The following PLGRKT variants were observed in gnomAD, a reference collection of about 807,000 sequenced individuals.
PLGRKT encodes the protein plasminogen receptor with a C-terminal lysine, also known as plasminogen receptor (KT).
Under a neutral mutation model 18.5 loss-of-function variants are expected in PLGRKT, and 22 were observed. That is an observed-to-expected ratio of 1.19 (90% CI 0.85 to 1.70). PLGRKT has a LOEUF of 1.70. Among genes scored for constraint, PLGRKT ranks in the 40% most tolerant of loss-of-function variants. The pLI is 0.00. For synonymous variants in PLGRKT, 72 were observed against 52.8 expected (o/e 1.36, Z -1.58); for missense variants, 235 against 174.4 (o/e 1.35, Z -1.96).
chr9:5,429,297 A>C lies in PLGRKT; in HGVS notation c.81+2600T>G, dbSNP rs1818767964. Among the ~76,000 whole-genome samples the C allele has an allele frequency of 2.6e-5, 4 of 152,194 alleles. 1 individual carries two copies. The South Asian group carries it at 8.3e-4, about 31-fold the overall frequency. ...GAAGCCCAGGGAGGAAAAGAAAATC[A>C]CTATGAAGCTCCAGTGAGGCCACTG... On this transcript the variant is annotated intron_variant, in intron 3 of 5. Coordinates refer to ENST00000223864, the MANE Select transcript of PLGRKT (RefSeq NM_018465.4).
chr9:5,427,049 G>A (rs1488024406), intron 3 of PLGRKT, among the ~76,000 whole-genome samples: 1 of 152,134 alleles, frequency 6.6e-6, no homozygotes, highest in Non-Finnish European at 1.5e-5. Context: ...CACAGTTTGA[G>A]TTACCCATGG....
chr9:5,435,704 G>C (rs941723536), intron 2 of PLGRKT, among the ~76,000 whole-genome samples: 1 of 152,192 alleles, frequency 6.6e-6, no homozygotes, highest in African/African-American at 2.4e-5. Flanking sequence ...TTGCATTTCA[G>C]AATACTGCAA....
chr9:5,421,160 T>G (rs539749085), intron 3 of PLGRKT, among the ~76,000 whole-genome samples: 6 of 152,300 alleles, frequency 3.9e-5, no homozygotes, highest in African/African-American at 1.4e-4. Flanking sequence ...CCCCCATCCT[T>G]TCAGAGTTCT....
chr9:5,424,045 T>C (rs1009073880), intron 3 of PLGRKT, among the ~76,000 whole-genome samples: 1 of 137,488 alleles, frequency 7.3e-6, no homozygotes, highest in African/African-American at 2.8e-5. Flanking sequence ...ATATACCATA[T>C]GCACACATCA....
At chr9:5,419,089 C>G (rs1426410642) in intron 3 of PLGRKT, 2 of 256,934 alleles carry the variant, frequency 7.8e-6, no homozygotes, top group African/African-American at 4.5e-5. Context: ...AGACATCCAG[C>G]ACTCACAGGT....
intron 3 of PLGRKT, among the ~76,000 whole-genome samples, chr9:5,391,210 G>A (rs536878000): frequency 1.5e-4 from 23 of 152,010 alleles, no homozygotes; most frequent in African/African-American, 5.3e-4. Context: ...TATATGATGC[G>A]ATATGGTTTT....
chr9:5,431,862 T>G, intron 3 of PLGRKT, 35 bp downstream of exon 3: 1 of 1,011,926 alleles, frequency 9.9e-7, no homozygotes, highest in East Asian at 2.4e-5. Flanking sequence ...TTAAGCATTG[T>G]AACAACATAA....
rs533351793 is a variant in PLGRKT, at chr9:5,407,497, T to G, written c.81+24400A>C. Among the ~76,000 whole-genome samples the G allele has an allele frequency of 2.6e-5, 4 of 152,328 alleles. No homozygotes were observed. In the South Asian group the frequency reaches 8.3e-4, roughly 32 times the overall value. On this transcript the variant is annotated intron_variant, in intron 3 of 5. Transcript: ENST00000223864. ...TTGTGTTTTTATCTTTATAACCTTA[T>G]TGACTAGCACAGGGCCTGGCATATT... is the stretch of plus-strand genomic sequence containing the variant.
At chr9:5,423,462 TC>T (rs1419580757) in intron 3 of PLGRKT, among the ~76,000 whole-genome samples, 1 of 152,202 alleles carries the variant, frequency 6.6e-6, no homozygotes, top group African/African-American at 2.4e-5. Context: ...TATACATTCT[TC>T]CTTCATTTTA....
At chr9:5,388,464 T>G (rs188149595) in intron 3 of PLGRKT, among the ~76,000 whole-genome samples, 1 of 151,964 alleles carries the variant, frequency 6.6e-6, no homozygotes, top group Non-Finnish European at 1.5e-5. Flanking sequence ...TACATAAAAA[T>G]CTATATAAAC....
At position 5,418,794 on chromosome 9, in the gene PLGRKT, AG is replaced by A; in HGVS notation, c.81+13102del. ...CGAGGAGCTGCGACACGGAGAAGTC[AG>A]GGGGCAGCTTGGTGACACCGCTGCA... On this transcript the variant is annotated intron_variant, in intron 3 of 5. Transcript: ENST00000223864. This position sits in a 1 kb window ranked among gnomAD's most constrained non-coding sequence, Gnocchi z 4.2. The A allele has an allele frequency of 1.2e-6, 1 of 865,132 alleles. No individual in the cohort carries two copies. 53.6% of individuals were successfully genotyped at this position (865,132 alleles called of 1,614,324 possible).
chr9:5,373,773 G>C (rs1817574683), intron 3 of PLGRKT, among the ~76,000 whole-genome samples: 1 of 151,454 alleles, frequency 6.6e-6, no homozygotes, highest in Admixed American at 6.6e-5. Context: ...GCAAGGCCCT[G>C]TTTCAAAAAA....
intron 3 of PLGRKT, among the ~76,000 whole-genome samples, chr9:5,396,700 A>T (rs1429892687): frequency 2.0e-5 from 3 of 151,948 alleles, no homozygotes; most frequent in Non-Finnish European, 2.9e-5. Flanking sequence ...TAATAAATAA[A>T]GACATTTTAA....
chr9:5,397,463 T>A (rs1439584423), intron 3 of PLGRKT, among the ~76,000 whole-genome samples: 1 of 151,834 alleles, frequency 6.6e-6, no homozygotes, highest in African/African-American at 2.4e-5. Context: ...GTGACTGAGT[T>A]CAATTCTGTA....
intron 1 of PLGRKT, among the ~76,000 whole-genome samples, chr9:5,437,180 G>A (rs892797302): frequency 3.3e-5 from 5 of 152,212 alleles, no homozygotes; most frequent in Non-Finnish European, 7.4e-5. Flanking sequence ...GAGGAGAAGT[G>A]GTGCCTGCAA....
intron 3 of PLGRKT, among the ~76,000 whole-genome samples, chr9:5,363,576 G>A (rs1424081977): frequency 6.6e-6 from 1 of 152,100 alleles, no homozygotes; most frequent in African/African-American, 2.4e-5. Context: ...TGTGAGGTCT[G>A]CTCTGAAACC....
In PLGRKT at chr9:5,385,354, A is replaced by T. The variant is rs142219549; in HGVS notation, c.82-23466T>A. On this transcript the variant is annotated intron_variant, in intron 3 of 5. Coordinates refer to ENST00000223864, the MANE Select transcript of PLGRKT (RefSeq NM_018465.4). ...TTGGTATATGTCTTTTATCCACCAC[A>T]CCTGGCTAATTTTTTGCATTTTTAG... Among the ~76,000 whole-genome samples, 1,049 of 151,240 alleles carry T rather than the reference A, an allele frequency of 6.9e-3. 18 individuals are homozygous for T. The highest frequency in any genetic ancestry group is 0.023 in the African/African-American group (956 of 40,882).
intron 3 of PLGRKT, among the ~76,000 whole-genome samples, chr9:5,416,729 G>C (rs1181214478): frequency 6.6e-6 from 1 of 152,158 alleles, no homozygotes; most frequent in Admixed American, 6.5e-5. Context: ...CTGTGTGTCT[G>C]CCCTGGAGAA....
At chr9:5,391,602 C>T (rs1817950715) in intron 3 of PLGRKT, among the ~76,000 whole-genome samples, 1 of 151,906 alleles carries the variant, frequency 6.6e-6, no homozygotes, top group Non-Finnish European at 1.5e-5. Flanking sequence ...ATCAGTGACA[C>T]ACATTTTGGA....
Sources: allele counts gnomAD v4.1 joint callset (sites outside exome capture counted in the v4.1 genomes callset), GRCh38; gene constraint gnomAD v4.1.1; non-coding constraint Gnocchi (gnomAD v3.1); transcripts MANE v1.5; gene names NCBI Gene and HGNC (gene_info 2026-07-23, HGNC 2026-07-21).